Variants in HS3ST5 observed in about 807,000 individuals in gnomAD.
HS3ST5 encodes heparan sulfate-glucosamine 3-sulfotransferase 5.
Under a neutral mutation model 25.4 loss-of-function variants are expected in HS3ST5, and 10 were observed. The observed-to-expected ratio is 0.39, with a 90% confidence interval of 0.24 to 0.67. HS3ST5 has a LOEUF of 0.67. Ranked by LOEUF, HS3ST5 falls within the 30% of genes least tolerant of loss-of-function variation. The pLI, the probability that HS3ST5 is intolerant of heterozygous loss-of-function variation, is 0.44. For synonymous variants in HS3ST5, 170 were observed against 162.4 expected, an observed-to-expected ratio of 1.05 and a Z score of -0.36; for missense variants, 324 against 420.7, an observed-to-expected ratio of 0.77 and a Z score of 2.01.
intron 1 of HS3ST5, among the ~76,000 whole-genome samples, chr6:114,257,072 C>A (rs1450403243): frequency 2.0e-5 from 3 of 152,164 alleles, no homozygotes; most frequent in Non-Finnish European, 4.4e-5. Context: ...TTCACTACCA[C>A]AAGAACAGTT....
At chr6:114,299,676 G>A (rs1194145182) in intron 1 of HS3ST5, among the ~76,000 whole-genome samples, 3 of 152,116 alleles carry the variant, frequency 2.0e-5, no homozygotes, top group African/African-American at 2.4e-5. Context: ...CAGGTTCCCC[G>A]ATAGTCCTGT....
chr6:114,328,281 A>G (rs1311456019), intron 1 of HS3ST5, among the ~76,000 whole-genome samples: 6 of 152,122 alleles, frequency 3.9e-5, no homozygotes, highest in Middle Eastern at 3.4e-3. Context: ...AAGGAAGGGT[A>G]GCGATAGTGT....
intron 3 of HS3ST5, among the ~76,000 whole-genome samples, chr6:114,105,034 A>G (rs1222992341): frequency 6.6e-6 from 1 of 152,180 alleles, no homozygotes; most frequent in Non-Finnish European, 1.5e-5. Flanking sequence ...TCTCCCAGTA[A>G]AGTGTAAACT....
chr6:114,188,288 A>C (rs1269427561), intron 2 of HS3ST5, among the ~76,000 whole-genome samples: 4 of 152,202 alleles, frequency 2.6e-5, no homozygotes, highest in Admixed American at 6.5e-5. Context: ...ACTAAGCCAC[A>C]TCTCTTTTTA....
intron 1 of HS3ST5, among the ~76,000 whole-genome samples, chr6:114,316,480 G>A (rs374683734): frequency 1.3e-5 from 2 of 152,148 alleles, no homozygotes; most frequent in East Asian, 3.9e-4. Context: ...CATATCAGAT[G>A]AGCACTGAAA....
intron 3 of HS3ST5, among the ~76,000 whole-genome samples, chr6:114,152,275 G>A (rs193250076): frequency 7.8e-4 from 118 of 152,064 alleles, no homozygotes; most frequent in African/African-American, 2.6e-3. Flanking sequence ...CTCAATATTA[G>A]CATGCATTTT....
chr6:114,218,795 C>A (rs1164537151), intron 2 of HS3ST5, among the ~76,000 whole-genome samples: 1 of 152,168 alleles, frequency 6.6e-6, no homozygotes, highest in Non-Finnish European at 1.5e-5. Flanking sequence ...GCTGTTAAAT[C>A]ATGAATAAAA....
chr6:114,295,930 C>A (rs537115418), intron 1 of HS3ST5, among the ~76,000 whole-genome samples: 1 of 152,110 alleles, frequency 6.6e-6, no homozygotes, highest in Non-Finnish European at 1.5e-5. Context: ...GTATGTCCCA[C>A]GGGTTTCTAC....
chr6:114,116,695 G>C (rs1056288111), intron 3 of HS3ST5, among the ~76,000 whole-genome samples: 8 of 151,798 alleles, frequency 5.3e-5, no homozygotes, highest in Admixed American at 1.3e-4. Context: ...CCATCCTCTT[G>C]CCATCCAGAA....
intron 1 of HS3ST5, among the ~76,000 whole-genome samples, chr6:114,318,350 T>C (rs1775827036): frequency 6.6e-6 from 1 of 152,210 alleles, no homozygotes; most frequent in Non-Finnish European, 1.5e-5. Flanking sequence ...TCCTAACTTA[T>C]GTATCTACTC....
intron 1 of HS3ST5, among the ~76,000 whole-genome samples, chr6:114,255,407 G>T (rs149693621): frequency 2.4e-3 from 363 of 152,230 alleles, no homozygotes; most frequent in Admixed American, 4.4e-3. Context: ...GAGTGTCTGC[G>T]GCTTTTCCAG....
At chr6:114,332,752 T>G (rs1224159370) in intron 1 of HS3ST5, among the ~76,000 whole-genome samples, 1 of 151,468 alleles carries the variant, frequency 6.6e-6, no homozygotes, top group African/African-American at 2.4e-5. Flanking sequence ...TGGGTGGAGG[T>G]GGGTGAGCTA....
At chr6:114,167,754 T>C (rs1213870156) in intron 3 of HS3ST5, 2 of 152,188 alleles carry the variant, frequency 1.3e-5, no homozygotes, top group African/African-American at 4.8e-5. Context: ...ACAGGATATA[T>C]GCACATATGG....
intron 1 of HS3ST5, among the ~76,000 whole-genome samples, chr6:114,246,624 A>G (rs1222726935): frequency 6.6e-6 from 1 of 152,238 alleles, no homozygotes; most frequent in African/African-American, 2.4e-5. Flanking sequence ...CAGTGTTCCT[A>G]TTAAGAGAAG....
intron 1 of HS3ST5, among the ~76,000 whole-genome samples, chr6:114,323,647 C>A (rs994117998): frequency 6.6e-6 from 1 of 152,170 alleles, no homozygotes; most frequent in Admixed American, 6.6e-5. Context: ...ACATATAATG[C>A]ATGTTACGGG....
intron 1 of HS3ST5, among the ~76,000 whole-genome samples, chr6:114,306,802 T>G (rs1022982486): frequency 3.2e-4 from 49 of 152,360 alleles, no homozygotes; most frequent in African/African-American, 1.1e-3. Flanking sequence ...AAATCTTACC[T>G]ATTTCTGATC....
chr6:114,275,002 T>C (rs1773788314), intron 1 of HS3ST5, among the ~76,000 whole-genome samples: 1 of 151,910 alleles, frequency 6.6e-6, no homozygotes, highest in Non-Finnish European at 1.5e-5. Flanking sequence ...TATACAACTA[T>C]GTATACAACT....
At chr6:114,198,303 A>C (rs1780857929) in intron 2 of HS3ST5, among the ~76,000 whole-genome samples, 1 of 152,162 alleles carries the variant, frequency 6.6e-6, no homozygotes, top group African/African-American at 2.4e-5. Context: ...AAAGTAACCA[A>C]ATCTATGACT....
intron 2 of HS3ST5, among the ~76,000 whole-genome samples, chr6:114,169,405 A>G (rs1469378602): frequency 6.6e-6 from 1 of 152,192 alleles, no homozygotes; most frequent in African/African-American, 2.4e-5. Context: ...TCTGATTAAC[A>G]TACTTTCATA....
Sources: gnomAD v4.1 joint callset for allele counts (sites outside exome capture counted in the v4.1 genomes callset) on GRCh38, gnomAD v4.1.1 for gene constraint, MANE v1.5 for transcripts, NCBI Gene and HGNC (gene_info 2026-07-23, HGNC 2026-07-21) for gene names.